MYO18A: variants seen among roughly 807,000 people sequenced by gnomAD.
MYO18A encodes the protein myosin XVIIIA, also known as unconventional myosin-XVIIIa.
A neutral mutation model predicts 235.8 loss-of-function variants in MYO18A; 78 were observed. That is an observed-to-expected ratio of 0.33 (90% CI 0.28 to 0.40). MYO18A has a LOEUF of 0.40. MYO18A is among the 10% of genes least tolerant of loss of function. The pLI is 1.00. For synonymous variants in MYO18A, 977 were observed against 1,077.8 expected (o/e 0.91, Z 1.83); for missense variants, 2,215 against 2,699.3 (o/e 0.82, Z 3.98).
At chr17:29,131,299 A>G (rs1240565090) in intron 2 of MYO18A, 15 of 776,490 alleles carry the variant, frequency 1.9e-5, no homozygotes, top group Non-Finnish European at 2.2e-5. Context: ...GCAAACACAC[A>G]CACGCACACA....
Position 29,098,157 on chromosome 17 carries a change from T to A in MYO18A, c.3938A>T (p.Asp1313Val), listed in dbSNP as rs2066568245. 1 of 1,613,924 alleles carries A rather than the reference T, an allele frequency of 6.2e-7. No individual in the cohort carries two copies. Among genetic ancestry groups the A allele is most frequent in the Middle Eastern group, 1.7e-4 (1 of 6,060 alleles). ...NTGESASQLL[D>V]AETAERLRAE... ...CCGGAGCCTCTCTGCTGTCTCCGCGTCCAGCAGCTGGGAGGCGGACTCTCC... is the reference window on the plus strand; with the variant it reads ...CCGGAGCCTCTCTGCTGTCTCCGCGACCAGCAGCTGGGAGGCGGACTCTCC... Residue 1313 changes from aspartate (D) to valine (V), a missense_variant, in exon 25 of 42, where the codon GAC (aspartate) becomes GTC (valine). Coordinates refer to ENST00000527372, the MANE Select transcript of MYO18A (RefSeq NM_078471.4).
At chr17:29,113,024 CCAAGCTCTTCCCA>C (rs1054797181) in intron 15 of MYO18A, among the ~76,000 whole-genome samples, 14 of 152,330 alleles carry the variant, frequency 9.2e-5, no homozygotes, top group Admixed American at 4.6e-4. Context: ...GAAAGGAGAG[CCAAGCTCTTCCCA>C]CATGCTGTCT....
intron 34 of MYO18A, 91 bp from the exon 35 acceptor site, chr17:29,091,017 G>T: frequency 9.7e-7 from 1 of 1,029,548 alleles, no homozygotes. Flanking sequence ...TTGTAGAGAA[G>T]ATGATAATGG....
chr17:29,107,269 T>C, intron 19 of MYO18A, 80 bp from the exon 20 acceptor site: 1 of 1,362,954 alleles, frequency 7.3e-7, no homozygotes, highest in Admixed American at 1.7e-5. Context: ...GCCTGGGCAG[T>C]CAGTGGAGAG....
chr17:29,092,705 G>A, intron 33 of MYO18A, 150 bp downstream of exon 33: 2 of 1,137,894 alleles, frequency 1.8e-6, no homozygotes, highest in Non-Finnish European at 2.5e-6. Flanking sequence ...CAGAGCCTGG[G>A]GAGTCTAGCT....
In MYO18A at chr17:29,074,809, G is replaced by A; in HGVS notation, c.6126C>T (p.Asp2042=). 6.2e-7 allele frequency: 1 copy of A among 1,613,988 alleles called. No homozygotes were observed. The highest frequency in any genetic ancestry group is 8.5e-7 in the Non-Finnish European group (1 of 1,179,896). The change falls in exon 42 of 42, where the codon GAC becomes GAT. Residue 2042 remains aspartate (D), a synonymous_variant. Transcript: ENST00000527372. This position sits in a 1 kb window ranked among gnomAD's most constrained non-coding sequence, Gnocchi z 4.4. ...RPRYSHSYLS[D]SDTEAKLTET... ...CCGTCAGCTTGGCCTCTGTGTCGCT[G>A]TCACTCAGATAACTGTGGGAGTATC...
Position 29,174,872 on chromosome 17 carries a change from G to A in MYO18A, c.-82+5441C>T, listed in dbSNP as rs531257962. ...TTGTATAATTAAAAGTAAAAAGAATGAAGTAGATTTGTATACACTGACCTG... is the reference window on the plus strand; with the variant it reads ...TTGTATAATTAAAAGTAAAAAGAATAAAGTAGATTTGTATACACTGACCTG... On this transcript the variant is annotated intron_variant, in intron 1 of 41. Coordinates refer to ENST00000527372, the MANE Select transcript of MYO18A (RefSeq NM_078471.4). Among the ~76,000 whole-genome samples the A allele has an allele frequency of 1.2e-3, 176 of 152,170 alleles. 1 individual carries two copies. Among genetic ancestry groups the A allele is most frequent in the Non-Finnish European group, 2.1e-3 (142 of 67,994 alleles).
Position 29,088,676 on chromosome 17 carries a change from CCT to C in MYO18A, c.5526+1283_5526+1284del, listed in dbSNP as rs2066319152. Among the ~76,000 whole-genome samples the C allele has an allele frequency of 4.6e-5, 7 of 152,312 alleles. No individual in the cohort carries two copies. In the South Asian group the frequency reaches 1.5e-3, roughly 32 times the overall value. ...TAAACCCAGGAGATAATCCTTTCTG[CCT>C]CTCTCTTGCTATCTGCTCTGCCAGA... On this transcript the variant is annotated intron_variant, in intron 37 of 41. Coordinates refer to ENST00000527372, the MANE Select transcript of MYO18A (RefSeq NM_078471.4).
intron 41 of MYO18A, among the ~76,000 whole-genome samples, chr17:29,081,189 A>C (rs1261064562): frequency 6.6e-6 from 1 of 152,214 alleles, no homozygotes; most frequent in Non-Finnish European, 1.5e-5. Context: ...CATCGGAGGA[A>C]ATGAAGCAAA....
intron 21 of MYO18A, among the ~76,000 whole-genome samples, chr17:29,100,205 G>A (rs914282137): frequency 2.0e-5 from 3 of 152,206 alleles, no homozygotes; most frequent in African/African-American, 7.2e-5. Flanking sequence ...AGGCCCCTCT[G>A]ACTCCCAATT....
intron 2 of MYO18A, chr17:29,131,317 ACGCATGCACACACACATGCC>A (rs2067467270): frequency 2.4e-6 from 2 of 843,112 alleles, no homozygotes; most frequent in Admixed American, 6.2e-5. Flanking sequence ...ACACACATGC[ACGCATGCACACACACATGCC>A]CGCACACACA....
At chr17:29,113,214 C>T (rs562307744) in intron 15 of MYO18A, among the ~76,000 whole-genome samples, 4 of 152,330 alleles carry the variant, frequency 2.6e-5, no homozygotes, top group South Asian at 4.1e-4. Flanking sequence ...CTCACTCTTT[C>T]GCAGCCCCAC....
chr17:29,149,485 G>A (rs1285850981), intron 2 of MYO18A, among the ~76,000 whole-genome samples: 5 of 152,110 alleles, frequency 3.3e-5, no homozygotes, highest in African/African-American at 1.2e-4. Flanking sequence ...ACTCCCCCCA[G>A]CCCCTACACC....
chr17:29,089,045 C>CAAA (rs34652243), intron 37 of MYO18A, among the ~76,000 whole-genome samples: 4 of 103,448 alleles, frequency 3.9e-5, no homozygotes, highest in East Asian at 2.4e-4. Flanking sequence ...GACCCTATCT[C>CAAA]AAAAAAAAAA....
chr17:29,093,123 G>T, intron 32 of MYO18A, 122 bp from the exon 33 acceptor site: 1 of 1,365,044 alleles, frequency 7.3e-7, no homozygotes, highest in Non-Finnish European at 9.9e-7. Flanking sequence ...GGAAGAGCCA[G>T]GGTCATGCCA....
At chr17:29,143,395 C>T (rs1033825083) in intron 2 of MYO18A, among the ~76,000 whole-genome samples, 3 of 150,220 alleles carry the variant, frequency 2.0e-5, no homozygotes, top group African/African-American at 7.4e-5. Flanking sequence ...ACCGTGCCAC[C>T]ATGTAGGTTT....
chr17:29,107,128 G>C lies in MYO18A; in HGVS notation c.3393C>G (p.His1131Gln). The C allele has an allele frequency of 6.2e-7, 1 of 1,614,032 alleles. No homozygotes were observed. Among genetic ancestry groups the C allele is most frequent in the Non-Finnish European group, 8.5e-7 (1 of 1,179,896 alleles). The change falls in exon 20 of 42, where the codon CAC becomes CAG. Residue 1131 changes from histidine to glutamine, a missense_variant. Physicochemically the swap from His to Gln is conservative, Grantham distance 24 (BLOSUM62 0). Transcript: ENST00000527372. ...FRRRFDVLAP[H>Q]LTKKHGRNYI... is the part of the protein sequence containing the mutation. ...AGTTACGCCCGTGTTTCTTGGTCAG[G>C]TGCGGGGCCAGGACATCAAAGCGGC...
In MYO18A at chr17:29,133,977, G is replaced by A. The variant is rs61664570; in HGVS notation, c.1000-11724C>T. ...AGGGGAAAGGAGGGATGGAGTGGAG[G>A]AGGAAGGATTACAAAACTCAAGAGG... On this transcript the variant is annotated intron_variant, in intron 2 of 41. Transcript: ENST00000527372. 1,393 of 625,326 alleles carry A rather than the reference G, an allele frequency of 2.2e-3. 11 individuals are homozygous for A. In the African/African-American group the frequency reaches 0.025, roughly 11 times the overall value. The allele number at this position is 625,326 out of a possible 1,614,324, so 38.7% of individuals were successfully genotyped here.
chr17:29,128,023 G>C, intron 2 of MYO18A: 4 of 1,014,256 alleles, frequency 3.9e-6, no homozygotes, highest in Non-Finnish European at 4.7e-6. Flanking sequence ...AGTCTGCCCA[G>C]TCTGGGGAGC....
Sources: allele counts gnomAD v4.1 joint callset (sites outside exome capture counted in the v4.1 genomes callset), GRCh38; gene constraint gnomAD v4.1.1; non-coding constraint Gnocchi (gnomAD v3.1); transcripts MANE v1.5; gene names NCBI Gene and HGNC (gene_info 2026-07-23, HGNC 2026-07-21).